The following LYPLA1 variants were observed in gnomAD, a reference collection of about 807,000 sequenced individuals.
LYPLA1 encodes the protein lysophospholipase 1.
A neutral mutation model predicts 34.0 loss-of-function variants in LYPLA1; 17 were observed. The observed-to-expected ratio is 0.50, with a 90% CI of 0.34 to 0.75. The LOEUF is 0.75. Among genes scored for constraint, LYPLA1 ranks in the 30% least tolerant of loss-of-function variants. LYPLA1 has a pLI of 0.01. For synonymous variants in LYPLA1, 98 were observed against 100.8 expected (o/e 0.97, Z 0.17); for missense variants, 203 against 288.8 (o/e 0.70, Z 2.15).
intron 2 of LYPLA1, among the ~76,000 whole-genome samples, chr8:54,073,891 T>C (rs1430645818): frequency 6.6e-6 from 1 of 152,232 alleles, no homozygotes; most frequent in East Asian, 1.9e-4. Context: ...TTGAATTATA[T>C]CTTCAGATTA....
At chr8:54,101,645 G>C in intron 1 of LYPLA1, 110 bp downstream of exon 1, 2 of 1,155,868 alleles carry the variant, frequency 1.7e-6, no homozygotes, top group African/African-American at 1.6e-5. Flanking sequence ...GCCGGGAGGA[G>C]CGTCCTCGTC....
At chr8:54,089,432 A>G (rs997067799) in intron 2 of LYPLA1, among the ~76,000 whole-genome samples, 2 of 145,150 alleles carry the variant, frequency 1.4e-5, no homozygotes, top group African/African-American at 5.2e-5. Context: ...ACAGGTATGC[A>G]TGCATAGGAA....
chr8:54,057,895 G>C (rs898709159), intron 5 of LYPLA1, among the ~76,000 whole-genome samples: 5 of 152,002 alleles, frequency 3.3e-5, no homozygotes, highest in Non-Finnish European at 5.9e-5. Context: ...TTGCATCCCT[G>C]TATCAAAACA....
intron 5 of LYPLA1, among the ~76,000 whole-genome samples, chr8:54,061,229 C>T (rs1003945999): frequency 2.0e-5 from 3 of 151,966 alleles, no homozygotes; most frequent in South Asian, 2.1e-4. Context: ...TACAGGCGTG[C>T]GTGACCACGC....
intron 2 of LYPLA1, among the ~76,000 whole-genome samples, chr8:54,096,693 A>G (rs1809712524): frequency 6.6e-6 from 1 of 151,894 alleles, no homozygotes; most frequent in Admixed American, 6.6e-5. Flanking sequence ...CAGTGAGCCA[A>G]GATCACGCCA....
chr8:54,056,765 T>C (rs4480103), intron 5 of LYPLA1, among the ~76,000 whole-genome samples: 9,046 of 152,120 alleles, frequency 0.059, 365 homozygotes, highest in Non-Finnish European at 0.089. Context: ...ATTAAAAAAT[T>C]AGCTGGGCAT....
In LYPLA1 at chr8:54,094,782, A is replaced by G. The variant is rs898025115; in HGVS notation, c.101+6126T>C. 7.9e-5 allele frequency among the ~76,000 whole-genome samples: 12 copies of G among 152,204 alleles called. 1 individual carries two copies. The highest frequency in any genetic ancestry group is 1.5e-4 in the Non-Finnish European group (10 of 68,032). On this transcript the variant is annotated intron_variant, in intron 2 of 8. Coordinates refer to ENST00000316963, the MANE Select transcript of LYPLA1 (RefSeq NM_006330.4). ...TACCATAAAGTGAGGAAGTGATCAA[A>G]TAAGAATGAGGATATGTCCAAAAGA...
At chr8:54,068,256 G>A (rs934755829) in intron 2 of LYPLA1, among the ~76,000 whole-genome samples, 2 of 152,114 alleles carry the variant, frequency 1.3e-5, no homozygotes, top group Non-Finnish European at 2.9e-5. Context: ...CCACTTTCAT[G>A]GACTGGGAGA....
chr8:54,073,140 C>A (rs1263256490), intron 2 of LYPLA1: 1 of 728,852 alleles, frequency 1.4e-6, no homozygotes, highest in Non-Finnish European at 2.6e-6. Flanking sequence ...GAGACCTGGC[C>A]TTCAGAGATG....
intron 1 of LYPLA1, 62 bp downstream of exon 1, chr8:54,101,693 G>A: frequency 8.1e-7 from 1 of 1,228,340 alleles, no homozygotes; most frequent in Non-Finnish European, 1.0e-6. Context: ...CACCCCGCGC[G>A]AGGGGCAACC....
chr8:54,072,138 A>G (rs1318161441), intron 2 of LYPLA1, among the ~76,000 whole-genome samples: 2 of 152,166 alleles, frequency 1.3e-5, no homozygotes, highest in Non-Finnish European at 2.9e-5. Flanking sequence ...AATGGGAAAA[A>G]GGACTCCCCA....
chr8:54,045,513 G>A (rs994840153), downstream of LYPLA1: 2 of 152,236 alleles, frequency 1.3e-5, no homozygotes, highest in Middle Eastern at 3.4e-3. Flanking sequence ...TTTATAAAAC[G>A]AACTGAAGTT....
intron 5 of LYPLA1, among the ~76,000 whole-genome samples, chr8:54,056,509 C>G (rs1330348269): frequency 1.3e-5 from 2 of 152,006 alleles, no homozygotes; most frequent in East Asian, 3.8e-4. Context: ...AGGAGACAAC[C>G]CACAGAATGG....
chr8:54,084,358 G>T (rs1808551660), intron 2 of LYPLA1, among the ~76,000 whole-genome samples: 1 of 151,862 alleles, frequency 6.6e-6, no homozygotes, highest in East Asian at 1.9e-4. Flanking sequence ...ATCGCTTGAT[G>T]TCAGGAGTTA....
chr8:54,047,897 T>C lies in LYPLA1; in HGVS notation c.*168A>G, dbSNP rs1442921732. 8.2e-6 allele frequency: 4 copies of C among 485,916 alleles called. No individual in the cohort carries two copies. The highest frequency in any genetic ancestry group is 7.9e-5 in the African/African-American group (4 of 50,552). 30.1% of individuals were successfully genotyped at this position (485,916 alleles called of 1,614,324 possible). A position where few individuals can be genotyped will look rare whatever the true frequency, so the allele number is the denominator to read the frequency against. ...AATACATGTATAGAAACTTAAAAGA[T>C]CATAAATTTCTCATGAGGAGATATT... On this transcript the variant is annotated 3_prime_UTR_variant, in exon 9 of 9. Transcript: ENST00000316963.
At chr8:54,062,167 A>T in intron 5 of LYPLA1, 87 bp downstream of exon 5, 1 of 983,254 alleles carries the variant, frequency 1.0e-6, no homozygotes, top group South Asian at 1.4e-5. Context: ...CCAAATGTGT[A>T]ATTTTTAACC....
intron 2 of LYPLA1, among the ~76,000 whole-genome samples, chr8:54,084,867 T>G (rs537011488): frequency 6.6e-6 from 1 of 152,134 alleles, no homozygotes; most frequent in African/African-American, 2.4e-5. Context: ...TACAGGCCTG[T>G]AACAAGGAAT....
chr8:54,057,607 A>T (rs1460762737), intron 5 of LYPLA1, among the ~76,000 whole-genome samples: 1 of 152,222 alleles, frequency 6.6e-6, no homozygotes, highest in Non-Finnish European at 1.5e-5. Flanking sequence ...TGGGATCTAA[A>T]ACTAACTGAA....
intron 2 of LYPLA1, among the ~76,000 whole-genome samples, chr8:54,096,954 G>C (rs924417980): frequency 6.6e-6 from 1 of 151,754 alleles, no homozygotes; most frequent in Admixed American, 6.6e-5. Context: ...ATAAATCTGA[G>C]TCCATACTAA....
Sources: allele counts gnomAD v4.1 joint callset (sites outside exome capture counted in the v4.1 genomes callset), GRCh38; gene constraint gnomAD v4.1.1; transcripts MANE v1.5; gene names NCBI Gene and HGNC (gene_info 2026-07-23, HGNC 2026-07-21).